The following UBA6 variants were observed in gnomAD, a reference collection of about 807,000 sequenced individuals.
The protein encoded by UBA6 is ubiquitin like modifier activating enzyme 6.
UBA6 carries 87 observed loss-of-function variants against 148.3 expected under a neutral mutation model. The observed-to-expected ratio is 0.59, with a 90% CI of 0.49 to 0.70. The LOEUF (loss-of-function observed/expected upper bound fraction) is 0.70, where lower values mean the gene tolerates loss of function less well. Ranked by LOEUF, UBA6 falls within the 30% of genes least tolerant of loss-of-function variation. The pLI is 0.00. For missense variants in UBA6, 1,186 were observed against 1,241.2 expected, an observed-to-expected ratio of 0.96 and a Z score of 0.67; for synonymous variants, 376 against 401.0, an observed-to-expected ratio of 0.94 and a Z score of 0.75.
At chr4:67,630,369 T>C in intron 26 of UBA6, 97 bp downstream of exon 26, 1 of 820,738 alleles carries the variant, frequency 1.2e-6, no homozygotes, top group South Asian at 1.7e-5. Flanking sequence ...AGAGTGATTC[T>C]TATAACAAAC....
At chr4:67,668,121 C>G (rs1352032003) in intron 9 of UBA6, among the ~76,000 whole-genome samples, 1 of 152,186 alleles carries the variant, frequency 6.6e-6, no homozygotes, top group Non-Finnish European at 1.5e-5. Context: ...AGTATGTGAT[C>G]AAGTTTCCTC....
chr4:67,645,611 G>A (rs1169098613), intron 16 of UBA6, among the ~76,000 whole-genome samples: 3 of 149,942 alleles, frequency 2.0e-5, no homozygotes, highest in East Asian at 2.0e-4. Flanking sequence ...AAAAAAAAAA[G>A]AAATACAGAA....
rs1729966167 is a variant in UBA6 at position 67,665,288 on chromosome 4, T to C, written c.798A>G (p.Ile266Met). The change falls in exon 10 of 33, where the codon ATA (isoleucine) becomes ATG (methionine). Residue 266 changes from isoleucine to methionine, a missense_variant. Ile to Met is a conservative substitution (Grantham distance 10). Coordinates refer to ENST00000322244, the MANE Select transcript of UBA6 (RefSeq NM_018227.6). ...CACCAATACTAAAAGAAAATGGCGA[T>C]ATCACTAGAAGACAAAAAATTTAAA... ...LNGSIQQITV[I>M]SPFSFSIGDT... is the part of the protein sequence containing the mutation. 6.3e-7 allele frequency: 1 copy of C among 1,591,434 alleles called. No individual in the cohort carries two copies. The highest frequency in any genetic ancestry group is 1.4e-5 in the African/African-American group (1 of 73,558).
At chr4:67,681,726 TAA>T (rs1730444656) in intron 3 of UBA6, 135 bp from the exon 4 acceptor site, 1 of 614,564 alleles carries the variant, frequency 1.6e-6, no homozygotes, top group Non-Finnish European at 2.8e-6. Flanking sequence ...TTCCTTGTCT[TAA>T]AAAAGTTACA....
chr4:67,666,014 T>C (rs1033620366), intron 9 of UBA6, among the ~76,000 whole-genome samples: 1 of 152,042 alleles, frequency 6.6e-6, no homozygotes. Flanking sequence ...AAAAGATAAA[T>C]GGCAAACCAG....
intron 7 of UBA6, among the ~76,000 whole-genome samples, chr4:67,673,118 T>C (rs548778281): frequency 5.9e-5 from 9 of 152,280 alleles, no homozygotes; most frequent in African/African-American, 2.2e-4. Context: ...TGAATATTCA[T>C]TGAATGAACC....
Position 67,618,953 on chromosome 4 carries a change from T to C in UBA6, c.*44A>G. 6.3e-7 allele frequency: 1 copy of C among 1,587,762 alleles called. No individual in the cohort carries two copies. The highest frequency in any genetic ancestry group is 8.6e-7 in the Non-Finnish European group (1 of 1,167,242). ...TTAGCTTCTGAATTAAGTGCACTCT[T>C]TCCAAAATCAAGTGGTCCTGGAGTA... On this transcript the variant is annotated 3_prime_UTR_variant, in exon 33 of 33. Transcript: ENST00000322244.
intron 13 of UBA6, among the ~76,000 whole-genome samples, chr4:67,661,319 A>G (rs1467400319): frequency 6.6e-6 from 1 of 152,170 alleles, no homozygotes; most frequent in Admixed American, 6.5e-5. Context: ...TGTTATCCCC[A>G]TAATTGCCAC....
rs775728121 is a variant in UBA6, at chr4:67,639,028, T to C, written c.1651A>G (p.Thr551Ala). 6.2e-7 allele frequency: 1 copy of C among 1,612,798 alleles called. No homozygotes were observed. The highest frequency in any genetic ancestry group is 1.1e-5 in the South Asian group (1 of 91,042). The part of the protein sequence containing the change: ...HLNKVCPTTE[T>A]IYNDEFYTKQ... ...GTATAGAACTCATCATTGTAAATGG[T>C]CTCAGTGGTTGGACATACTTTGTTC... is the stretch of plus-strand genomic sequence containing the variant. The change falls in exon 19 of 33, where the codon ACC (threonine) becomes GCC (alanine). Residue 551 changes from threonine (T) to alanine (A), a missense_variant. Thr to Ala is a moderately conservative substitution (Grantham distance 58, BLOSUM62 0). Transcript: ENST00000322244.
intron 32 of UBA6, among the ~76,000 whole-genome samples, chr4:67,621,338 G>A (rs949300690): frequency 2.6e-5 from 4 of 152,186 alleles, no homozygotes; most frequent in African/African-American, 7.2e-5. Context: ...CAATAGATAC[G>A]TTAAACACAA....
At position 67,616,733 on chromosome 4, in the gene UBA6, C is replaced by T. The variant is rs1050782639; in HGVS notation, c.*2264G>A. 6.6e-6 allele frequency: 1 copy of T among 152,108 alleles called. No individual in the cohort carries two copies. Among genetic ancestry groups the T allele is most frequent in the Non-Finnish European group, 1.5e-5 (1 of 67,980 alleles). The allele number at this position is 152,108 out of a possible 1,614,324, so 9.4% of individuals were successfully genotyped here. On this transcript the variant is annotated 3_prime_UTR_variant, in exon 33 of 33. Transcript: ENST00000322244. ...TGAAAATCAGGAAACACCAAAGCAA[C>T]ATTACTCACAAAATAAACAGCAAAA... is the stretch of plus-strand genomic sequence containing the variant.
At chr4:67,685,192 C>T (rs1730528614) in intron 2 of UBA6, among the ~76,000 whole-genome samples, 1 of 152,124 alleles carries the variant, frequency 6.6e-6, no homozygotes, top group Non-Finnish European at 1.5e-5. Context: ...TTAATATTTA[C>T]TCCCATATTT....
intron 1 of UBA6, among the ~76,000 whole-genome samples, chr4:67,697,259 C>T (rs369752508): frequency 4.4e-4 from 67 of 152,322 alleles, no homozygotes; most frequent in Admixed American, 9.8e-4. Context: ...CCCGCCTCAG[C>T]GTCCCAAAGT....
intron 9 of UBA6, among the ~76,000 whole-genome samples, chr4:67,668,073 T>A (rs1730052466): frequency 6.6e-6 from 1 of 152,208 alleles, no homozygotes. Context: ...CTTAAGTGAA[T>A]ATGTTGACTG....
chr4:67,634,287 A>G lies in UBA6; in HGVS notation c.1968T>C (p.Phe656=), dbSNP rs188494703. ...ATGAATAGGTTTGCCAAAATTTGTTAAACAATGAAGGTTTGTGGGAAAAGG... is the reference window on the plus strand; with the variant it reads ...ATGAATAGGTTTGCCAAAATTTGTTGAACAATGAAGGTTTGTGGGAAAAGG... The part of the protein sequence containing the change: ...ESSFSHKPSL[F]NKFWQTYSSA... The change falls in exon 22 of 33, where the codon TTT becomes TTC. Residue 656 remains phenylalanine, a synonymous_variant. Coordinates refer to ENST00000322244, the MANE Select transcript of UBA6 (RefSeq NM_018227.6). 6.3e-7 allele frequency: 1 copy of G among 1,596,278 alleles called. No individual in the cohort carries two copies. The highest frequency in any genetic ancestry group is 1.4e-5 in the African/African-American group (1 of 73,852).
In UBA6 at chr4:67,629,101, T is replaced by C. The variant is rs367898700; in HGVS notation, c.2370A>G (p.Val790=). The part of the protein sequence containing the change: ...ADALLNILSE[V]KIQEFKPSNK... ...TGGAAGGCTTGAATTCCTGAATCTTTACTTCTGAAAGAATATTCAAGAGGG... is the reference window on the plus strand; with the variant it reads ...TGGAAGGCTTGAATTCCTGAATCTTCACTTCTGAAAGAATATTCAAGAGGG... The change falls in exon 27 of 33, where the codon GTA becomes GTG. Residue 790 remains valine (V), a synonymous_variant. Coordinates refer to ENST00000322244, the MANE Select transcript of UBA6 (RefSeq NM_018227.6). The C allele has an allele frequency of 2.5e-6, 4 of 1,609,968 alleles. No homozygotes were observed. Among genetic ancestry groups the C allele is most frequent in the South Asian group, 2.2e-5 (2 of 90,998 alleles).
intron 25 of UBA6, 24 bp from the exon 26 acceptor site, chr4:67,630,559 A>G (rs1398663213): frequency 6.6e-7 from 1 of 1,505,562 alleles, no homozygotes; most frequent in Admixed American, 2.0e-5. Context: ...AAAATAAAGC[A>G]AAATTTGAAT....
intron 2 of UBA6, among the ~76,000 whole-genome samples, chr4:67,687,075 G>A (rs377476497): frequency 2.5e-4 from 29 of 116,174 alleles, no homozygotes; most frequent in African/African-American, 8.0e-4. Context: ...TCACTTTGTC[G>A]CCCAGGCTGG....
At position 67,635,456 on chromosome 4, in the gene UBA6, A is replaced by T; in HGVS notation, c.1839T>A (p.Ser613Arg). ...IVPHLTESYN[S>R]HRDPPEEEIP... The stretch of plus-strand genomic sequence containing the variant: ...TTCAAAATATTGATTCACTTACATG[A>T]CTATTGTAAGACTCAGTCAAATGCG... Residue 613 changes from serine (S) to arginine (R), a missense_variant, in exon 20 of 33, where the codon AGT (serine) becomes AGA (arginine). Physicochemically the swap from Ser to Arg is moderately radical, Grantham distance 110. Coordinates refer to ENST00000322244, the MANE Select transcript of UBA6 (RefSeq NM_018227.6). The T allele has an allele frequency of 6.5e-7, 1 of 1,549,362 alleles. No homozygotes were observed. Among genetic ancestry groups the T allele is most frequent in the Admixed American group, 1.7e-5 (1 of 59,014 alleles).
Sources: allele counts gnomAD v4.1 joint callset (sites outside exome capture counted in the v4.1 genomes callset), GRCh38; gene constraint gnomAD v4.1.1; transcripts MANE v1.5; gene names NCBI Gene and HGNC (gene_info 2026-07-23, HGNC 2026-07-21).